The following PTPRD variants were observed in gnomAD, a reference collection of about 807,000 sequenced individuals.
The protein encoded by PTPRD is receptor-type tyrosine-protein phosphatase delta.
A neutral mutation model predicts 214.5 loss-of-function variants in PTPRD; 34 were observed. The ratio of observed to expected loss-of-function variants is 0.16; its 90% CI spans 0.12 to 0.21. The LOEUF (loss-of-function observed/expected upper bound fraction) is 0.21. PTPRD is among the 10% of genes least tolerant of loss of function. PTPRD has a pLI of 1.00. For missense variants in PTPRD, 2,545 were observed against 2,398.7 expected (o/e 1.06, Z -1.27); for synonymous variants, 1,128 against 845.7 (o/e 1.33, Z -5.79).
chr9:9,247,457 C>T (rs1246031693), intron 9 of PTPRD, among the ~76,000 whole-genome samples: 2 of 152,044 alleles, frequency 1.3e-5, no homozygotes. Context: ...ATTTGTTATG[C>T]TTTTTTCCTG....
chr9:9,026,859 C>A (rs1433867509), intron 10 of PTPRD, among the ~76,000 whole-genome samples: 1 of 151,836 alleles, frequency 6.6e-6, no homozygotes, highest in African/African-American at 2.4e-5. Flanking sequence ...CTAAGCTGGA[C>A]TCTCCTACTC....
chr9:10,280,107 G>T (rs946950834), intron 3 of PTPRD, among the ~76,000 whole-genome samples: 5 of 152,010 alleles, frequency 3.3e-5, no homozygotes, highest in African/African-American at 1.2e-4. Context: ...ATACATAACT[G>T]CTGAAAGATT....
rs962785623 is a variant in PTPRD, at chr9:8,481,391, G to T, written c.3413+2728C>A. Among the ~76,000 whole-genome samples, 6 of 152,006 alleles carry T rather than the reference G, an allele frequency of 3.9e-5. No individual in the cohort carries two copies. The South Asian group carries it at 1.2e-3, about 31-fold the overall frequency. ...GTGTACCCAGGAAAGGTTGTTTTAG[G>T]ATGTGTATCAGGTCTGAATTTATTA... On this transcript the variant is annotated intron_variant, in intron 30 of 45. Transcript: ENST00000381196.
chr9:8,392,714 T>C (rs1336542838), intron 36 of PTPRD, among the ~76,000 whole-genome samples: 4 of 152,138 alleles, frequency 2.6e-5, no homozygotes, highest in Admixed American at 2.6e-4. Flanking sequence ...CAAATCTCTT[T>C]ACGCGCTCTG....
At chr9:8,591,355 G>A (rs2094092496) in intron 14 of PTPRD, among the ~76,000 whole-genome samples, 2 of 152,134 alleles carry the variant, frequency 1.3e-5, no homozygotes, top group Non-Finnish European at 2.9e-5. Flanking sequence ...ATCATATTTT[G>A]CTCCTGCCTG....
intron 2 of PTPRD, among the ~76,000 whole-genome samples, chr9:10,494,873 T>C (rs777895245): frequency 6.6e-6 from 1 of 151,636 alleles, no homozygotes; most frequent in Non-Finnish European, 1.5e-5. Context: ...TTATAGCATA[T>C]AATGTATTGT....
chr9:10,232,694 T>A (rs2099615695), intron 3 of PTPRD, among the ~76,000 whole-genome samples: 1 of 152,010 alleles, frequency 6.6e-6, no homozygotes, highest in Non-Finnish European at 1.5e-5. Context: ...TCCATTATCA[T>A]AATCTGTATC....
chr9:10,390,726 A>G (rs979126647), intron 2 of PTPRD, among the ~76,000 whole-genome samples: 5 of 151,792 alleles, frequency 3.3e-5, no homozygotes, highest in Non-Finnish European at 5.9e-5. Flanking sequence ...CACTTCTAGG[A>G]ATATAACAAT....
intron 9 of PTPRD, among the ~76,000 whole-genome samples, chr9:9,192,639 T>C (rs920653796): frequency 6.6e-6 from 1 of 152,116 alleles, no homozygotes; most frequent in Non-Finnish European, 1.5e-5. Flanking sequence ...GTCCATTAAA[T>C]GCCTGCCTGA....
chr9:9,451,810 G>A (rs1342857733), intron 8 of PTPRD, among the ~76,000 whole-genome samples: 1 of 151,372 alleles, frequency 6.6e-6, no homozygotes, highest in Non-Finnish European at 1.5e-5. Flanking sequence ...ATTTTAGAAA[G>A]TTAGAAGAAT....
At chr9:9,694,363 C>T (rs569631795) in intron 7 of PTPRD, among the ~76,000 whole-genome samples, 11 of 152,102 alleles carry the variant, frequency 7.2e-5, no homozygotes, top group South Asian at 2.1e-4. Flanking sequence ...CTCTACATTG[C>T]TAGGCAGAGA....
chr9:9,533,428 T>C (rs1312957397), intron 8 of PTPRD, among the ~76,000 whole-genome samples: 1 of 152,134 alleles, frequency 6.6e-6, no homozygotes, highest in African/African-American at 2.4e-5. Flanking sequence ...TGATTACCTC[T>C]TATTGCACCA....
chr9:9,679,755 G>A (rs553780611), intron 7 of PTPRD, among the ~76,000 whole-genome samples: 1 of 151,936 alleles, frequency 6.6e-6, no homozygotes, highest in South Asian at 2.1e-4. Context: ...AATCATGAAG[G>A]CCTGATTTGC....
chr9:8,713,737 A>G, intron 12 of PTPRD: 1 of 1,504,886 alleles, frequency 6.6e-7, no homozygotes. Context: ...GCAGGCTGTC[A>G]AGCAGTTCCA....
At chr9:8,535,634 CT>C (rs1460613683) in intron 14 of PTPRD, among the ~76,000 whole-genome samples, 1 of 151,800 alleles carries the variant, frequency 6.6e-6, no homozygotes, top group Non-Finnish European at 1.5e-5. Context: ...TATTCCTCAT[CT>C]TGGGGAGTAG....
At chr9:8,542,561 G>A (rs149450513) in intron 14 of PTPRD, among the ~76,000 whole-genome samples, 9 of 152,310 alleles carry the variant, frequency 5.9e-5, no homozygotes, top group East Asian at 5.8e-4. Flanking sequence ...GTCTTCCCTT[G>A]GGAAGCAATG....
chr9:9,238,007 CT>C (rs2099968033), intron 9 of PTPRD, among the ~76,000 whole-genome samples: 1 of 152,070 alleles, frequency 6.6e-6, no homozygotes, highest in African/African-American at 2.4e-5. Context: ...ATATGTTCCC[CT>C]TCAAGTCCCT....
intron 9 of PTPRD, among the ~76,000 whole-genome samples, chr9:9,250,807 T>A (rs749523179): frequency 6.6e-6 from 1 of 151,824 alleles, no homozygotes. Flanking sequence ...GTGAAAAAAA[T>A]GAGTCCCAAC....
chr9:9,822,051 T>C (rs2050937871), intron 5 of PTPRD, among the ~76,000 whole-genome samples: 1 of 151,726 alleles, frequency 6.6e-6, no homozygotes, highest in Admixed American at 6.6e-5. Flanking sequence ...GCCAAAGGCA[T>C]CATGTCCAAA....
Sources: gnomAD v4.1 joint callset for allele counts (sites outside exome capture counted in the v4.1 genomes callset) on GRCh38, gnomAD v4.1.1 for gene constraint, MANE v1.5 for transcripts, NCBI Gene and HGNC (gene_info 2026-07-23, HGNC 2026-07-21) for gene names.